The following CD302 variants were observed in gnomAD, a reference collection of about 807,000 sequenced individuals.
CD302 encodes the protein CD302 antigen.
In CD302, 23 loss-of-function variants were observed where a neutral mutation model predicts 26.5. That is an observed-to-expected ratio of 0.87 (90% confidence interval 0.62 to 1.23). CD302 has a LOEUF of 1.23. Ranked by LOEUF, CD302 falls within the 50% of genes most tolerant of loss-of-function variation. The probability of loss-of-function intolerance (pLI) is 0.00; values close to 1 mark genes in which losing one functional copy is unlikely to be tolerated. For missense variants in CD302, 290 were observed against 275.5 expected (o/e 1.05, Z -0.37); for synonymous variants, 90 against 99.4 (o/e 0.91, Z 0.56).
chr2:159,781,232 A>G (rs954712931), intron 2 of CD302, among the ~76,000 whole-genome samples: 2 of 152,160 alleles, frequency 1.3e-5, no homozygotes, highest in Non-Finnish European at 2.9e-5. Context: ...TATACTTTAC[A>G]TAATTTTTTT....
At chr2:159,783,122 T>C (rs1708566652) in intron 2 of CD302, among the ~76,000 whole-genome samples, 1 of 152,254 alleles carries the variant, frequency 6.6e-6, no homozygotes, top group Non-Finnish European at 1.5e-5. Flanking sequence ...GCACAGGATA[T>C]GCATGTTAAA....
At chr2:159,775,953 C>G (rs1183524344) in intron 5 of CD302, among the ~76,000 whole-genome samples, 1 of 148,236 alleles carries the variant, frequency 6.7e-6, no homozygotes, top group African/African-American at 2.5e-5. Flanking sequence ...CTGTCTCGCC[C>G]AGGCTGGAGT....
At chr2:159,773,308 C>G (rs1053845304) in intron 5 of CD302, among the ~76,000 whole-genome samples, 1 of 152,206 alleles carries the variant, frequency 6.6e-6, no homozygotes, top group Non-Finnish European at 1.5e-5. Context: ...GCCACCGTGC[C>G]CAGCCCCGTA....
In CD302 at chr2:159,783,350, G is replaced by A. The variant is rs773576132; in HGVS notation, c.178+9C>T. ...TGAAAAAACAAACAGAAAAGAATAA[G>A]CCTTTTACCATGGTCAGTACACTGA... is the stretch of plus-strand genomic sequence containing the variant. On this transcript the variant is annotated intron_variant, in intron 2 of 5. Transcript: ENST00000259053. The A allele has an allele frequency of 1.9e-6, 3 of 1,567,408 alleles. No homozygotes were observed. In the Admixed American group the frequency reaches 6.4e-5, roughly 34 times the overall value.
intron 5 of CD302, 25 bp downstream of exon 5, chr2:159,777,913 A>G: frequency 9.9e-7 from 1 of 1,009,824 alleles, no homozygotes; most frequent in Non-Finnish European, 1.4e-6. Context: ...TGTGGGAAAA[A>G]TTTAAAGACC....
intron 5 of CD302, among the ~76,000 whole-genome samples, chr2:159,773,643 C>G (rs1665062089): frequency 6.6e-6 from 1 of 152,114 alleles, no homozygotes; most frequent in African/African-American, 2.4e-5. Context: ...AAAGTTGCCT[C>G]CAGGGGTTTT....
chr2:159,798,016 G>T (rs569958676), intron 1 of CD302, 116 bp downstream of exon 1: 1 of 996,240 alleles, frequency 1.0e-6, no homozygotes, highest in Non-Finnish European at 1.4e-6. Context: ...CGGGATGGCC[G>T]GCCGGGTGTT....
chr2:159,793,582 G>A (rs779045203), intron 1 of CD302, among the ~76,000 whole-genome samples: 5 of 152,166 alleles, frequency 3.3e-5, no homozygotes, highest in Non-Finnish European at 7.3e-5. Flanking sequence ...GATATGAGTT[G>A]TAGTCACATA....
intron 1 of CD302, among the ~76,000 whole-genome samples, chr2:159,784,075 TCTC>T (rs1457833390): frequency 6.6e-6 from 1 of 152,170 alleles, no homozygotes; most frequent in Non-Finnish European, 1.5e-5. Flanking sequence ...TAAAGGGACA[TCTC>T]CTTCACCTCT....
At chr2:159,789,020 CA>C (rs1376595481) in intron 1 of CD302, among the ~76,000 whole-genome samples, 1 of 133,466 alleles carries the variant, frequency 7.5e-6, no homozygotes, top group Non-Finnish European at 1.7e-5. Context: ...AGGGTAACTC[CA>C]ATTTTTTTTT....
At chr2:159,791,103 T>C (rs916687932) in intron 1 of CD302, among the ~76,000 whole-genome samples, 8 of 152,224 alleles carry the variant, frequency 5.3e-5, no homozygotes, top group African/African-American at 1.9e-4. Flanking sequence ...ATGAAGTGTC[T>C]CAGCCTTATC....
intron 4 of CD302, among the ~76,000 whole-genome samples, chr2:159,778,659 C>T (rs1485283244): frequency 6.6e-6 from 1 of 152,052 alleles, no homozygotes; most frequent in Non-Finnish European, 1.5e-5. Flanking sequence ...TTGTTTATAT[C>T]ATGTTTTAAG....
Position 159,780,469 on chromosome 2 carries a change from AATTTC to A in CD302, c.296-296_296-292del, listed in dbSNP as rs1392173729. 3.3e-5 allele frequency among the ~76,000 whole-genome samples: 5 copies of A among 152,368 alleles called. No individual in the cohort carries two copies. The East Asian group carries it at 5.8e-4, about 18-fold the overall frequency. ...GTTAAATATTAATAGTAACCTTAGT[AATTTC>A]ATTTCATTTGAAAATGTTTACATAT... On this transcript the variant is annotated intron_variant, in intron 3 of 5. Coordinates refer to ENST00000259053, the MANE Select transcript of CD302 (RefSeq NM_014880.5).
chr2:159,783,480 A>G lies in CD302; in HGVS notation c.68-11T>C. 6.4e-7 allele frequency: 1 copy of G among 1,573,324 alleles called. No homozygotes were observed. The highest frequency in any genetic ancestry group is 8.6e-7 in the Non-Finnish European group (1 of 1,162,898). ...TAGATGAAGGACAGTCTATGTAGAAAAAAGAAGAACACTGTTAAATAACTT... is the reference window on the plus strand; with the variant it reads ...TAGATGAAGGACAGTCTATGTAGAAGAAAGAAGAACACTGTTAAATAACTT... On this transcript the variant is annotated splice_polypyrimidine_tract_variant and intron_variant, in intron 1 of 5. Coordinates refer to ENST00000259053, the MANE Select transcript of CD302 (RefSeq NM_014880.5).
chr2:159,780,702 G>T (rs1181448225), intron 3 of CD302, among the ~76,000 whole-genome samples, 180 bp downstream of exon 3: 5 of 152,098 alleles, frequency 3.3e-5, no homozygotes, highest in African/African-American at 1.2e-4. Context: ...GCTTTCATCT[G>T]TGTAACTCAT....
chr2:159,780,098 C>T lies in CD302; in HGVS notation c.376G>A (p.Asp126Asn), dbSNP rs920661426. Reference sequence around the variant, plus strand: ...TTGATGTGCAGAAAAGCACAGGTGTCAACTAAATCCTCATCATCATCTTGG... The same window carrying T: ...TTGATGTGCAGAAAAGCACAGGTGTTAACTAAATCCTCATCATCATCTTGG... Reference protein sequence around the residue: ...TDQDDDEDLVDTCAFLHIKTG... With the variant: ...TDQDDDEDLVNTCAFLHIKTG... The change falls in exon 4 of 6, where the codon GAC (aspartate) becomes AAC (asparagine). Residue 126 changes from aspartate to asparagine, a missense_variant. Physicochemically the swap from Asp to Asn is conservative, Grantham distance 23. Coordinates refer to ENST00000259053, the MANE Select transcript of CD302 (RefSeq NM_014880.5). 3 of 1,614,040 alleles carry T rather than the reference C, an allele frequency of 1.9e-6. No individual in the cohort carries two copies. In the African/African-American group the frequency reaches 4.0e-5, roughly 22 times the overall value.
At position 159,770,170 on chromosome 2, in the gene CD302, TG is replaced by T. The variant is rs1708090116; in HGVS notation, c.*1680del. On this transcript the variant is annotated 3_prime_UTR_variant, in exon 6 of 6. Transcript: ENST00000259053. ...TAGTTCTTCAAGGAGTGGTACAATT[TG>T]GGTAGGAAAACCAGGCAGGAATTCC... The T allele has an allele frequency of 6.6e-6, 1 of 152,180 alleles. No homozygotes were observed. The highest frequency in any genetic ancestry group is 1.5e-5 in the Non-Finnish European group (1 of 68,032). The allele number at this position is 152,180 out of a possible 1,614,324, so 9.4% of individuals were successfully genotyped here.
In CD302 at chr2:159,793,373, C is replaced by T. The variant is rs151076472; in HGVS notation, c.67+4759G>A. On this transcript the variant is annotated intron_variant, in intron 1 of 5. Transcript: ENST00000259053. ...TATCCACAGGAATACTTTGCATTAC[C>T]AGTCAAATCTAATAGAACTCTCTGT... Among the ~76,000 whole-genome samples, 1,458 of 151,854 alleles carry T rather than the reference C, an allele frequency of 9.6e-3. 24 individuals are homozygous for T. Among genetic ancestry groups the T allele is most frequent in the African/African-American group, 0.034 (1,411 of 41,410 alleles).
intron 1 of CD302, among the ~76,000 whole-genome samples, chr2:159,785,093 G>A (rs1211958690): frequency 3.4e-5 from 5 of 149,224 alleles, no homozygotes; most frequent in African/African-American, 7.4e-5. Flanking sequence ...TTGTGCCTCC[G>A]CCTCCTGAGT....
Sources: allele counts gnomAD v4.1 joint callset (sites outside exome capture counted in the v4.1 genomes callset), GRCh38; gene constraint gnomAD v4.1.1; transcripts MANE v1.5; gene names NCBI Gene and HGNC (gene_info 2026-07-23, HGNC 2026-07-21).